Variants in HEPACAM2 observed in about 807,000 individuals in gnomAD.
HEPACAM2 encodes the protein HEPACAM family member 2, also known as mitotic kinetics regulator.
In HEPACAM2, 49 loss-of-function variants were observed where a neutral mutation model predicts 49.6. The ratio of observed to expected loss-of-function variants is 0.99; its 90% CI spans 0.78 to 1.25. The LOEUF is 1.25. HEPACAM2 is among the 50% of genes most tolerant of loss of function. HEPACAM2 has a pLI of 0.00. For synonymous variants in HEPACAM2, 197 were observed against 202.9 expected, an observed-to-expected ratio of 0.97 and a Z score of 0.25; for missense variants, 525 against 557.2, an observed-to-expected ratio of 0.94 and a Z score of 0.58.
At chr7:93,192,726 C>T (rs1002668379) in intron 8 of HEPACAM2, among the ~76,000 whole-genome samples, 9 of 151,960 alleles carry the variant, frequency 5.9e-5, no homozygotes, top group Non-Finnish European at 1.3e-4. Flanking sequence ...TTTTCTATAC[C>T]TCAGTTACCC....
chr7:93,226,924 C>T (rs2116735379), upstream of HEPACAM2, among the ~76,000 whole-genome samples: 2 of 152,262 alleles, frequency 1.3e-5, no homozygotes, highest in Middle Eastern at 6.8e-3. Flanking sequence ...CATGAAGTCA[C>T]TAACATGTAA....
chr7:93,214,187 T>A (rs1794246801), intron 3 of HEPACAM2, among the ~76,000 whole-genome samples: 1 of 152,104 alleles, frequency 6.6e-6, no homozygotes, highest in Non-Finnish European at 1.5e-5. Flanking sequence ...TTTCATTTTT[T>A]AAAATCAAAT....
chr7:93,218,198 A>G (rs1248237876), intron 2 of HEPACAM2, among the ~76,000 whole-genome samples: 1 of 152,010 alleles, frequency 6.6e-6, no homozygotes, highest in Non-Finnish European at 1.5e-5. Flanking sequence ...GGCATTGCAG[A>G]TTGTTAATAA....
intron 4 of HEPACAM2, among the ~76,000 whole-genome samples, chr7:93,200,754 C>T (rs1793861045): frequency 6.6e-6 from 1 of 152,124 alleles, no homozygotes; most frequent in Non-Finnish European, 1.5e-5. Flanking sequence ...TATTGTCATG[C>T]ATTTATATGA....
intron 8 of HEPACAM2, among the ~76,000 whole-genome samples, chr7:93,194,299 T>A (rs1403976724): frequency 6.6e-6 from 1 of 152,144 alleles, no homozygotes; most frequent in African/African-American, 2.4e-5. Flanking sequence ...TGCATTATTT[T>A]AAATAAAAAA....
chr7:93,206,132 T>G (rs1794022853), intron 4 of HEPACAM2, among the ~76,000 whole-genome samples: 1 of 152,112 alleles, frequency 6.6e-6, no homozygotes, highest in African/African-American at 2.4e-5. Context: ...TGTAGTATAC[T>G]TCTACCCATT....
intron 7 of HEPACAM2, among the ~76,000 whole-genome samples, chr7:93,196,592 C>T (rs1005878499): frequency 6.6e-6 from 1 of 151,996 alleles, no homozygotes; most frequent in Non-Finnish European, 1.5e-5. Flanking sequence ...CTCATAGCAA[C>T]CTTAAGGGGG....
chr7:93,191,256 C>T (rs1277409808), intron 9 of HEPACAM2, among the ~76,000 whole-genome samples: 1 of 151,708 alleles, frequency 6.6e-6, no homozygotes, highest in Non-Finnish European at 1.5e-5. Context: ...CAGTCTGTTC[C>T]TTATTTATGT....
intron 3 of HEPACAM2, among the ~76,000 whole-genome samples, chr7:93,213,928 G>T (rs1423988262): frequency 6.6e-6 from 1 of 152,080 alleles, no homozygotes; most frequent in Non-Finnish European, 1.5e-5. Flanking sequence ...TTCCCAGCTT[G>T]CAGGGAATGA....
chr7:93,216,204 T>C (rs1001860756), intron 2 of HEPACAM2, among the ~76,000 whole-genome samples: 3 of 152,214 alleles, frequency 2.0e-5, no homozygotes, highest in Non-Finnish European at 4.4e-5. Flanking sequence ...ATCACATATG[T>C]AAAACTATTC....
intron 2 of HEPACAM2, among the ~76,000 whole-genome samples, chr7:93,218,351 TG>T (rs955454660): frequency 1.3e-5 from 2 of 151,820 alleles, no homozygotes; most frequent in Non-Finnish European, 2.9e-5. Context: ...GGGGCAGTAC[TG>T]GGGGTGGTAA....
chr7:93,218,268 G>A lies in HEPACAM2; in HGVS notation c.430+833C>T, dbSNP rs150826322. Among the ~76,000 whole-genome samples, 12 of 152,226 alleles carry A rather than the reference G, an allele frequency of 7.9e-5. 1 individual carries two copies. The highest frequency in any genetic ancestry group is 2.6e-4 in the African/African-American group (11 of 41,544). ...GGAGGATTTTAAGCTGAAGGAGGCA[G>A]GAATAGAAGCAGGGAGAGTAGGTGG... On this transcript the variant is annotated intron_variant, in intron 2 of 9. Transcript: ENST00000394468.
At chr7:93,199,741 T>G (rs1793832942) in intron 4 of HEPACAM2, among the ~76,000 whole-genome samples, 2 of 152,080 alleles carry the variant, frequency 1.3e-5, no homozygotes, top group Non-Finnish European at 2.9e-5. Context: ...TTAACACACC[T>G]TATAAACACA....
intron 1 of HEPACAM2, among the ~76,000 whole-genome samples, chr7:93,223,066 T>C (rs1034856381): frequency 6.6e-6 from 1 of 152,326 alleles, no homozygotes; most frequent in African/African-American, 2.4e-5. Flanking sequence ...GTCATGGATG[T>C]GTTGGTTCAC....
At chr7:93,225,952 C>G in intron 1 of HEPACAM2, 1 of 1,338,182 alleles carries the variant, frequency 7.5e-7, no homozygotes, top group Non-Finnish European at 1.0e-6. Flanking sequence ...GCAACAATAT[C>G]TTTAATTAAA....
intron 9 of HEPACAM2, among the ~76,000 whole-genome samples, chr7:93,191,268 ACT>A (rs1793538552): frequency 6.6e-6 from 1 of 151,544 alleles, no homozygotes; most frequent in Non-Finnish European, 1.5e-5. Flanking sequence ...TATTTATGTG[ACT>A]CTAGGTAAAT....
At chr7:93,200,429 A>T (rs551517317) in intron 4 of HEPACAM2, among the ~76,000 whole-genome samples, 1 of 152,290 alleles carries the variant, frequency 6.6e-6, no homozygotes, top group South Asian at 2.1e-4. Context: ...ACAAGAGCTA[A>T]GTCTCTACAA....
chr7:93,191,053 TC>T (rs1425734307), intron 9 of HEPACAM2, among the ~76,000 whole-genome samples: 10 of 152,086 alleles, frequency 6.6e-5, no homozygotes, highest in Non-Finnish European at 1.3e-4. Context: ...CAAAATTCTT[TC>T]AATGCCTTAT....
chr7:93,200,394 T>A (rs1467441085), intron 4 of HEPACAM2, among the ~76,000 whole-genome samples: 1 of 152,152 alleles, frequency 6.6e-6, no homozygotes, highest in Non-Finnish European at 1.5e-5. Flanking sequence ...ATGAAATCAA[T>A]TTAACCATTG....
Sources: allele counts gnomAD v4.1 joint callset (sites outside exome capture counted in the v4.1 genomes callset), GRCh38; gene constraint gnomAD v4.1.1; transcripts MANE v1.5; gene names NCBI Gene and HGNC (gene_info 2026-07-23, HGNC 2026-07-21).